The following CCDC169 variants were observed in gnomAD, a reference collection of about 807,000 sequenced individuals.
CCDC169 encodes the protein coiled-coil domain containing 169.
CCDC169 carries 30 observed loss-of-function variants against 36.0 expected under a neutral mutation model. The observed-to-expected ratio is 0.83, with a 90% CI of 0.62 to 1.13. The LOEUF is 1.13. Among genes scored for constraint, CCDC169 ranks in the 50% most tolerant of loss-of-function variants. CCDC169 has a pLI of 0.00. For synonymous variants in CCDC169, 85 were observed against 81.5 expected (o/e 1.04, Z -0.23); for missense variants, 245 against 245.9 (o/e 1.00, Z 0.03).
intron 4 of CCDC169, among the ~76,000 whole-genome samples, chr13:36,268,168 A>C (rs1196051085): frequency 6.6e-6 from 1 of 152,188 alleles, no homozygotes; most frequent in Non-Finnish European, 1.5e-5. Context: ...TGCAGAGTAT[A>C]CATTCTTCTC....
chr13:36,269,289 C>A (rs1240684068), intron 4 of CCDC169, among the ~76,000 whole-genome samples: 1 of 151,974 alleles, frequency 6.6e-6, no homozygotes, highest in Non-Finnish European at 1.5e-5. Context: ...TAAAAGTTGC[C>A]AACAACAATA....
intron 4 of CCDC169, chr13:36,281,202 G>A (rs1566086151): frequency 9.6e-6 from 4 of 414,912 alleles, no homozygotes; most frequent in Non-Finnish European, 9.5e-6. Context: ...GGGAAGCCTG[G>A]ATTCCTGAAG....
intron 4 of CCDC169, among the ~76,000 whole-genome samples, chr13:36,265,296 C>T (rs775347528): frequency 2.0e-5 from 3 of 152,120 alleles, no homozygotes; most frequent in Non-Finnish European, 2.9e-5. Context: ...GTTGTGACGA[C>T]AAGATTGACA....
intron 7 of CCDC169, among the ~76,000 whole-genome samples, chr13:36,234,466 A>G (rs1870834535): frequency 6.6e-6 from 1 of 152,178 alleles, no homozygotes; most frequent in South Asian, 2.1e-4. Flanking sequence ...ATTTCATTAA[A>G]AATATTGATC....
chr13:36,268,088 CAATG>C (rs1159305390), intron 4 of CCDC169, among the ~76,000 whole-genome samples: 1 of 152,106 alleles, frequency 6.6e-6, no homozygotes, highest in Non-Finnish European at 1.5e-5. Context: ...AGTCAACAAA[CAATG>C]AACTTAAATG....
chr13:36,275,940 G>C (rs990896469), intron 4 of CCDC169, among the ~76,000 whole-genome samples: 1 of 151,958 alleles, frequency 6.6e-6, no homozygotes, highest in South Asian at 2.1e-4. Context: ...ATAGAGGGGA[G>C]AGTCTTGCTT....
At chr13:36,259,808 T>A (rs1283485934) in intron 4 of CCDC169, among the ~76,000 whole-genome samples, 2 of 152,228 alleles carry the variant, frequency 1.3e-5, no homozygotes, top group Non-Finnish European at 2.9e-5. Flanking sequence ...AGAGGCAGGT[T>A]GGCCTTAGGC....
At chr13:36,261,093 T>C (rs1363562138) in intron 4 of CCDC169, among the ~76,000 whole-genome samples, 1 of 152,172 alleles carries the variant, frequency 6.6e-6, no homozygotes, top group Non-Finnish European at 1.5e-5. Flanking sequence ...GCAGTAATTT[T>C]CACCAGAGAG....
downstream of CCDC169, chr13:36,227,201 T>G (rs755597926): frequency 2.6e-5 from 39 of 1,528,112 alleles, no homozygotes; most frequent in Non-Finnish European, 3.4e-5. Flanking sequence ...TATTTTACTT[T>G]TAGCTCTTCA....
At chr13:36,294,384 C>T (rs1879239762) in intron 2 of CCDC169, among the ~76,000 whole-genome samples, 1 of 152,088 alleles carries the variant, frequency 6.6e-6, no homozygotes, top group Non-Finnish European at 1.5e-5. Flanking sequence ...GAGAGCCTGC[C>T]CCCAGAGACT....
At chr13:36,291,770 T>A (rs1246312478) in intron 2 of CCDC169, among the ~76,000 whole-genome samples, 1 of 152,154 alleles carries the variant, frequency 6.6e-6, no homozygotes, top group East Asian at 1.9e-4. Flanking sequence ...TTATGCTAGT[T>A]TGAGATAAAT....
downstream of CCDC169, among the ~76,000 whole-genome samples, chr13:36,229,658 C>A (rs1024982242): frequency 2.0e-5 from 3 of 151,522 alleles, no homozygotes; most frequent in African/African-American, 7.3e-5. Flanking sequence ...ATGCCCCAGC[C>A]TCCTGAGTAG....
At chr13:36,295,998 C>T (rs1395424241) in intron 1 of CCDC169, 141 bp from the exon 2 acceptor site, 6 of 548,042 alleles carry the variant, frequency 1.1e-5, no homozygotes, top group Non-Finnish European at 1.9e-5. Flanking sequence ...AAATAAGACT[C>T]AGGCAAAGGA....
chr13:36,265,148 T>G, intron 4 of CCDC169, among the ~76,000 whole-genome samples: 1 of 152,218 alleles, frequency 6.6e-6, no homozygotes, highest in East Asian at 1.9e-4. Flanking sequence ...GCTCTCATTT[T>G]AGGTAAACAG....
intron 7 of CCDC169, among the ~76,000 whole-genome samples, chr13:36,245,031 T>C (rs908946104): frequency 5.3e-5 from 8 of 152,324 alleles, no homozygotes; most frequent in Non-Finnish European, 1.0e-4. Context: ...GGACAAAATG[T>C]TGCTACCTCA....
At chr13:36,272,033 C>T (rs1410433636) in intron 4 of CCDC169, among the ~76,000 whole-genome samples, 2 of 149,048 alleles carry the variant, frequency 1.3e-5, no homozygotes, top group African/African-American at 2.5e-5. Flanking sequence ...TGCAGTGAGC[C>T]GAGATTGCAC....
At chr13:36,250,857 C>T (rs1462625247) in intron 6 of CCDC169, among the ~76,000 whole-genome samples, 1 of 152,100 alleles carries the variant, frequency 6.6e-6, no homozygotes, top group African/African-American at 2.4e-5. Context: ...GATGTTTTAA[C>T]AATTTTAACA....
intron 2 of CCDC169, among the ~76,000 whole-genome samples, chr13:36,288,793 G>C (rs1878543220): frequency 6.6e-6 from 1 of 152,034 alleles, no homozygotes. Flanking sequence ...GTAGGGGAGA[G>C]AGATATAAAG....
intron 2 of CCDC169, among the ~76,000 whole-genome samples, chr13:36,288,129 C>T (rs985242285): frequency 1.3e-5 from 2 of 152,076 alleles, no homozygotes; most frequent in African/African-American, 4.8e-5. Context: ...CTGCCTCAGC[C>T]TCCCGAGTAG....
Sources: gnomAD v4.1 joint callset for allele counts (sites outside exome capture counted in the v4.1 genomes callset) on GRCh38, gnomAD v4.1.1 for gene constraint, MANE v1.5 for transcripts, NCBI Gene and HGNC (gene_info 2026-07-23, HGNC 2026-07-21) for gene names.